The following NYAP2 variants were observed in gnomAD, a reference collection of about 807,000 sequenced individuals.
NYAP2 encodes the protein neuronal tyrosine-phosphorylated phosphoinositide-3-kinase adaptor 2.
Under a neutral mutation model 50.4 loss-of-function variants are expected in NYAP2, and 23 were observed. The ratio of observed to expected loss-of-function variants is 0.46; its 90% CI spans 0.33 to 0.65. The LOEUF (loss-of-function observed/expected upper bound fraction) is 0.65. Ranked by LOEUF, NYAP2 falls within the 30% of genes least tolerant of loss-of-function variation. The pLI, the probability that NYAP2 is intolerant of heterozygous loss-of-function variation, is 0.02. For missense variants in NYAP2, 885 were observed against 861.0 expected (o/e 1.03, Z -0.35); for synonymous variants, 394 against 365.2 (o/e 1.08, Z -0.90).
chr2:225,581,489 A>G (rs762442526), intron 4 of NYAP2, among the ~76,000 whole-genome samples: 2 of 152,372 alleles, frequency 1.3e-5, no homozygotes, highest in East Asian at 1.9e-4. Flanking sequence ...GTGTTCACCT[A>G]TAAAAACCAC....
intron 3 of NYAP2, among the ~76,000 whole-genome samples, chr2:225,415,960 A>T (rs1159458081): frequency 6.6e-6 from 1 of 152,118 alleles, no homozygotes; most frequent in African/African-American, 2.4e-5. Context: ...GCTGGAATGA[A>T]TCAGCTGATC....
At chr2:225,561,893 T>A (rs191827017) in intron 4 of NYAP2, among the ~76,000 whole-genome samples, 205 of 151,634 alleles carry the variant, frequency 1.4e-3, no homozygotes, top group Middle Eastern at 6.9e-3. Context: ...GGCTATATAT[T>A]TTTTTTTTCA....
At chr2:225,592,024 G>A (rs1376867873) in intron 5 of NYAP2, among the ~76,000 whole-genome samples, 1 of 152,162 alleles carries the variant, frequency 6.6e-6, no homozygotes, top group Non-Finnish European at 1.5e-5. Context: ...GCTGCCCAGT[G>A]GGCCTCAGAA....
At chr2:225,635,938 C>G (rs75349194) in intron 6 of NYAP2, among the ~76,000 whole-genome samples, 3,766 of 152,250 alleles carry the variant, frequency 0.025, 173 homozygotes, top group African/African-American at 0.086. Context: ...TACATCTTCT[C>G]TAATAAATAT....
intron 6 of NYAP2, among the ~76,000 whole-genome samples, chr2:225,644,459 G>A (rs1693592915): frequency 6.6e-6 from 1 of 151,660 alleles, no homozygotes; most frequent in Non-Finnish European, 1.5e-5. Context: ...GATCCCATTT[G>A]TCAATTTTGA....
chr2:225,670,409 G>A, the NYAP2 span, among the ~76,000 whole-genome samples: 1 of 152,018 alleles, frequency 6.6e-6, no homozygotes, highest in African/African-American at 2.4e-5. Flanking sequence ...TGATAGTAGT[G>A]TGGTTCTGCC....
chr2:225,583,269 A>G (rs1158795872), intron 5 of NYAP2, among the ~76,000 whole-genome samples: 2 of 152,384 alleles, frequency 1.3e-5, no homozygotes, highest in East Asian at 3.9e-4. Context: ...ATTTAAAAGA[A>G]GAGTGATTTT....
chr2:225,687,520 CT>C, the NYAP2 span, among the ~76,000 whole-genome samples: 2 of 152,152 alleles, frequency 1.3e-5, no homozygotes, highest in Non-Finnish European at 2.9e-5. Context: ...TAGGCCACCA[CT>C]TTTTCTTGAA....
chr2:225,485,893 A>G (rs1042332914), intron 3 of NYAP2, among the ~76,000 whole-genome samples: 2 of 152,200 alleles, frequency 1.3e-5, no homozygotes, highest in African/African-American at 4.8e-5. Context: ...GCATGTTAGA[A>G]TATTTGGCAG....
intron 4 of NYAP2, among the ~76,000 whole-genome samples, chr2:225,524,240 A>G (rs1017293471): frequency 6.6e-6 from 1 of 152,210 alleles, no homozygotes; most frequent in Non-Finnish European, 1.5e-5. Context: ...CTGGCAAACC[A>G]CTGGTGTAAG....
chr2:225,619,850 A>G (rs1413529547), intron 5 of NYAP2, among the ~76,000 whole-genome samples: 2 of 152,166 alleles, frequency 1.3e-5, no homozygotes, highest in Non-Finnish European at 2.9e-5. Flanking sequence ...TATACAAAAC[A>G]CCCAGTCTGA....
At chr2:225,591,056 C>A (rs1692492909) in intron 5 of NYAP2, among the ~76,000 whole-genome samples, 1 of 152,172 alleles carries the variant, frequency 6.6e-6, no homozygotes, top group South Asian at 2.1e-4. Context: ...GCAGTCCTCA[C>A]CTCAGAAGTC....
intron 5 of NYAP2, among the ~76,000 whole-genome samples, chr2:225,594,521 T>TA (rs890009711): frequency 1.1e-4 from 17 of 151,268 alleles, no homozygotes; most frequent in African/African-American, 2.7e-4. Context: ...AGACTCTGTC[T>TA]AAAAAAAAAT....
intron 3 of NYAP2, among the ~76,000 whole-genome samples, chr2:225,467,964 C>A (rs1289811964): frequency 6.6e-6 from 1 of 152,028 alleles, no homozygotes; most frequent in Non-Finnish European, 1.5e-5. Flanking sequence ...GTCATTCAAG[C>A]CTATGAGAGT....
chr2:225,433,418 C>T (rs1327255369), intron 3 of NYAP2, among the ~76,000 whole-genome samples: 1 of 151,554 alleles, frequency 6.6e-6, no homozygotes, highest in Non-Finnish European at 1.5e-5. Context: ...CCTCCCTTTG[C>T]CAAAATCCTG....
chr2:225,626,684 G>A (rs1317846153), intron 5 of NYAP2, among the ~76,000 whole-genome samples: 1 of 152,048 alleles, frequency 6.6e-6, no homozygotes, highest in Admixed American at 6.6e-5. Context: ...GATTCGTCGA[G>A]GTACTCTTTT....
At chr2:225,426,271 G>A (rs748649155) in intron 3 of NYAP2, among the ~76,000 whole-genome samples, 87 of 151,988 alleles carry the variant, frequency 5.7e-4, no homozygotes, top group Non-Finnish European at 8.4e-4. Context: ...TGTGATTACG[G>A]ACAAATTACT....
At chr2:225,576,963 T>A (rs954597276) in intron 4 of NYAP2, among the ~76,000 whole-genome samples, 9 of 152,178 alleles carry the variant, frequency 5.9e-5, no homozygotes, top group Admixed American at 1.3e-4. Context: ...TATCTCTTTT[T>A]TTCACCTCTT....
At position 225,408,855 on chromosome 2, in the gene NYAP2, A is replaced by C; in HGVS notation, c.-17-9A>C. ...CTGGATAAAAGTAAAATGTGTTCTC[A>C]CCCTGCAGGCAGTGTTCCTCTTTAC... On this transcript the variant is annotated splice_polypyrimidine_tract_variant and intron_variant, in intron 2 of 6. Transcript: ENST00000636099. 6.7e-7 allele frequency: 1 copy of C among 1,494,138 alleles called. No homozygotes were observed. Among genetic ancestry groups the C allele is most frequent in the Non-Finnish European group, 9.3e-7 (1 of 1,074,752 alleles). 92.6% of individuals were successfully genotyped at this position (1,494,138 alleles called of 1,614,324 possible).
Sources: allele counts gnomAD v4.1 joint callset (sites outside exome capture counted in the v4.1 genomes callset), GRCh38; gene constraint gnomAD v4.1.1; transcripts MANE v1.5; gene names NCBI Gene and HGNC (gene_info 2026-07-23, HGNC 2026-07-21).